PTPRN2: variants seen among roughly 807,000 people sequenced by gnomAD.
The protein encoded by PTPRN2 is protein tyrosine phosphatase receptor type N2.
PTPRN2 carries 74 observed loss-of-function variants against 118.8 expected under a neutral mutation model. The ratio of observed to expected loss-of-function variants is 0.62; its 90% CI spans 0.52 to 0.76. The LOEUF is 0.76. Among genes scored for constraint, PTPRN2 ranks in the 30% least tolerant of loss-of-function variants. The pLI is 0.00. For synonymous variants in PTPRN2, 641 were observed against 608.0 expected (o/e 1.05, Z -0.80); for missense variants, 1,481 against 1,394.4 (o/e 1.06, Z -0.99).
chr7:158,406,292 C>T (rs554356790), intron 2 of PTPRN2, among the ~76,000 whole-genome samples: 13 of 123,834 alleles, frequency 1.0e-4, no homozygotes, highest in Admixed American at 1.0e-3. Flanking sequence ...ATCCCGGTGG[C>T]TCATCCGTGA....
intron 6 of PTPRN2, among the ~76,000 whole-genome samples, chr7:158,146,589 C>G (rs559672470): frequency 6.6e-6 from 1 of 150,754 alleles, no homozygotes; most frequent in Non-Finnish European, 1.5e-5. Context: ...GGCGTGGTGG[C>G]GGGCGCCTGT....
intron 11 of PTPRN2, among the ~76,000 whole-genome samples, chr7:157,972,175 G>A (rs1802383379): frequency 6.6e-6 from 1 of 152,170 alleles, no homozygotes; most frequent in South Asian, 2.1e-4. Context: ...AAGTGTAAAA[G>A]GCGTTCACTA....
At chr7:158,052,678 G>T (rs1261924743) in intron 11 of PTPRN2, among the ~76,000 whole-genome samples, 1 of 151,940 alleles carries the variant, frequency 6.6e-6, no homozygotes, top group African/African-American at 2.4e-5. Flanking sequence ...GTAGAGGGGG[G>T]CGGCCACTGC....
rs113911872 is a variant in PTPRN2 at position 158,422,882 on chromosome 7, G to C, written c.163+66853C>G. On this transcript the variant is annotated intron_variant, in intron 2 of 22. Transcript: ENST00000389418. The stretch of plus-strand genomic sequence containing the variant: ...AGGAGCTCAAGCTTACAAGTAGTTG[G>C]TGTGTAATTTGCATGGTCAGTAGAG... Among the ~76,000 whole-genome samples, 706 of 152,368 alleles carry C rather than the reference G, an allele frequency of 4.6e-3. 6 individuals are homozygous for C. Among genetic ancestry groups the C allele is most frequent in the African/African-American group, 0.016 (683 of 41,582 alleles).
At chr7:157,830,033 C>CAAAG in intron 12 of PTPRN2, among the ~76,000 whole-genome samples, 1 of 152,182 alleles carries the variant, frequency 6.6e-6, no homozygotes, top group East Asian at 1.9e-4. Flanking sequence ...CCTCTCTCCC[C>CAAAG]CGTGTTACCA....
At chr7:158,010,592 A>C (rs1334916473) in intron 11 of PTPRN2, among the ~76,000 whole-genome samples, 3 of 152,222 alleles carry the variant, frequency 2.0e-5, no homozygotes, top group Non-Finnish European at 4.4e-5. Context: ...CTATGGAAAA[A>C]AATTCAAGTT....
chr7:157,967,662 A>C (rs1802043819), intron 11 of PTPRN2, among the ~76,000 whole-genome samples: 1 of 152,242 alleles, frequency 6.6e-6, no homozygotes, highest in Admixed American at 6.5e-5. Flanking sequence ...TCCACAAGTC[A>C]TCAACTCGCA....
chr7:158,150,753 G>A (rs1398393014), intron 6 of PTPRN2, among the ~76,000 whole-genome samples: 1 of 151,050 alleles, frequency 6.6e-6, no homozygotes. Context: ...TTCCTGGTCT[G>A]TGAGACGCTG....
chr7:158,059,392 C>T (rs1251452095), intron 11 of PTPRN2, among the ~76,000 whole-genome samples: 2 of 86,486 alleles, frequency 2.3e-5, no homozygotes, highest in South Asian at 4.2e-4. Context: ...CTCCATCTGC[C>T]CACGGTGACA....
intron 5 of PTPRN2, among the ~76,000 whole-genome samples, chr7:158,180,399 C>G (rs1400642841): frequency 6.6e-6 from 1 of 152,170 alleles, no homozygotes; most frequent in Non-Finnish European, 1.5e-5. Context: ...AGTTTGGAGT[C>G]AGGTAATGTG....
chr7:158,329,306 C>A (rs767373584), intron 2 of PTPRN2, among the ~76,000 whole-genome samples: 5 of 152,196 alleles, frequency 3.3e-5, no homozygotes, highest in Admixed American at 2.0e-4. Context: ...GCCTCCCTCA[C>A]GGAGCACCAG....
chr7:157,542,849 AG>A (rs1365460593), intron 22 of PTPRN2, among the ~76,000 whole-genome samples: 2 of 152,046 alleles, frequency 1.3e-5, no homozygotes, highest in African/African-American at 2.4e-5. Context: ...TGGCAGGAGG[AG>A]GGGGTGCTTC....
intron 2 of PTPRN2, among the ~76,000 whole-genome samples, chr7:158,470,058 C>T (rs993410418): frequency 1.8e-4 from 27 of 152,132 alleles, no homozygotes. Flanking sequence ...GAATTGGGAG[C>T]TGGGATCTGT....
chr7:157,940,455 CTG>C lies in PTPRN2; in HGVS notation c.1724-41720_1724-41719del, dbSNP rs558023140. ...AAATCTAATGCCCTCCCCTGTGACA[CTG>C]CAAATCTAATGCCCTCTCCTGTGAC... On this transcript the variant is annotated intron_variant, in intron 11 of 22. Transcript: ENST00000389418. Among the ~76,000 whole-genome samples the C allele has an allele frequency of 6.6e-5, 10 of 152,010 alleles. No individual in the cohort carries two copies. In the East Asian group the frequency reaches 1.9e-3, roughly 29 times the overall value.
chr7:157,930,010 C>T (rs1054265199), intron 11 of PTPRN2, among the ~76,000 whole-genome samples: 12 of 152,216 alleles, frequency 7.9e-5, no homozygotes, highest in Non-Finnish European at 1.2e-4. Flanking sequence ...CATCACCCGT[C>T]GCTCAGCCTG....
rs1491225034 is a variant in PTPRN2 at position 157,583,934 on chromosome 7, A to ACACT, written c.2497-5795_2497-5794insAGTG. 5.0e-4 allele frequency among the ~76,000 whole-genome samples: 68 copies of ACACT among 136,192 alleles called. No homozygotes were observed. Among genetic ancestry groups the ACACT allele is most frequent in the Non-Finnish European group, 8.8e-4 (56 of 63,280 alleles). The allele number at this position is 136,192 out of a possible 152,430, so 89.3% of individuals were successfully genotyped here. A position where few individuals can be genotyped will look rare whatever the true frequency, so the allele number is the denominator to read the frequency against. ...CACACACACACACACACACACACAC[A>ACACT]CTCTTAAAATAAGCTCTCCTGAAGC... is the stretch of plus-strand genomic sequence containing the variant. On this transcript the variant is annotated intron_variant, in intron 17 of 22. Transcript: ENST00000389418. The surrounding 1 kb of genome is among the most constrained non-coding windows in gnomAD (Gnocchi z 5.5).
At chr7:158,053,770 C>A (rs1023900052) in intron 11 of PTPRN2, among the ~76,000 whole-genome samples, 1 of 144,264 alleles carries the variant, frequency 6.9e-6, no homozygotes, top group East Asian at 2.0e-4. Context: ...ACGCAGAGAC[C>A]CCAGAAATGC....
chr7:158,103,331 T>C (rs1456148855), intron 10 of PTPRN2, among the ~76,000 whole-genome samples: 2 of 152,238 alleles, frequency 1.3e-5, no homozygotes, highest in Non-Finnish European at 2.9e-5. Context: ...GGACACTTGA[T>C]GGCAGGTGGC....
intron 3 of PTPRN2, among the ~76,000 whole-genome samples, chr7:158,256,674 T>C (rs1797045088): frequency 6.6e-6 from 1 of 152,062 alleles, no homozygotes; most frequent in African/African-American, 2.4e-5. Flanking sequence ...AGAAGCTCCA[T>C]GTTGGACAAC....
Sources: gnomAD v4.1 joint callset for allele counts (sites outside exome capture counted in the v4.1 genomes callset) on GRCh38, gnomAD v4.1.1 for gene constraint, Gnocchi (gnomAD v3.1) non-coding constraint, MANE v1.5 for transcripts, NCBI Gene and HGNC (gene_info 2026-07-23, HGNC 2026-07-21) for gene names.